Variants in ELP4 observed in about 807,000 individuals in gnomAD.
The protein encoded by ELP4 is elongator acetyltransferase complex subunit 4.
A neutral mutation model predicts 48.9 loss-of-function variants in ELP4; 51 were observed. That is an observed-to-expected ratio of 1.04 (90% CI 0.83 to 1.32). The LOEUF (loss-of-function observed/expected upper bound fraction) is 1.32, where lower values mean the gene tolerates loss of function less well. Ranked by LOEUF, ELP4 falls within the 40% of genes most tolerant of loss-of-function variation. The pLI is 0.00. For synonymous variants in ELP4, 210 were observed against 189.2 expected (o/e 1.11, Z -0.90); for missense variants, 519 against 514.6 (o/e 1.01, Z -0.08).
At chr11:31,550,943 C>T (rs1311693248) in intron 3 of ELP4, among the ~76,000 whole-genome samples, 1 of 152,142 alleles carries the variant, frequency 6.6e-6, no homozygotes, top group Admixed American at 6.5e-5. Context: ...ACTTGCTAGC[C>T]ATTGCTTTGA....
intron 3 of ELP4, among the ~76,000 whole-genome samples, chr11:31,564,831 A>G (rs189612887): frequency 1.3e-5 from 2 of 152,340 alleles, no homozygotes; most frequent in East Asian, 3.9e-4. Flanking sequence ...TAGTGCCACA[A>G]TAAACATGTG....
At chr11:31,709,162 G>T (rs1176607943) in intron 9 of ELP4, among the ~76,000 whole-genome samples, 1 of 152,084 alleles carries the variant, frequency 6.6e-6, no homozygotes, top group African/African-American at 2.4e-5. Flanking sequence ...TTCAAAATGG[G>T]CAATTGCTGG....
chr11:31,763,661 A>G, intron 9 of ELP4: 1 of 1,087,204 alleles, frequency 9.2e-7, no homozygotes, highest in Non-Finnish European at 1.2e-6. Flanking sequence ...ACTGCTATTT[A>G]ATCACCTTTT....
At chr11:31,636,331 G>T (rs1243670339) in intron 7 of ELP4, among the ~76,000 whole-genome samples, 1 of 151,900 alleles carries the variant, frequency 6.6e-6, no homozygotes, top group Non-Finnish European at 1.5e-5. Context: ...ACATATAGTT[G>T]GGTATGTATA....
intron 9 of ELP4, chr11:31,650,842 T>C (rs914698779): frequency 1.3e-5 from 2 of 151,772 alleles, no homozygotes; most frequent in East Asian, 1.9e-4. Flanking sequence ...AGAATTGATG[T>C]ATTTATTAAT....
intron 3 of ELP4, among the ~76,000 whole-genome samples, chr11:31,578,645 G>A (rs991726317): frequency 1.7e-4 from 26 of 151,668 alleles, no homozygotes; most frequent in African/African-American, 4.1e-4. Context: ...CACATCTACA[G>A]CCATCTGATC....
intron 3 of ELP4, among the ~76,000 whole-genome samples, chr11:31,543,958 T>C (rs909090837): frequency 3.3e-5 from 5 of 152,154 alleles, no homozygotes; most frequent in African/African-American, 7.2e-5. Context: ...TTGTAAGAAA[T>C]ACTAAAGTTT....
Position 31,647,798 on chromosome 11 carries a change from T to C in ELP4, c.985T>C (p.Ser329Pro). Residue 329 changes from serine to proline, a missense_variant, in exon 8 of 10, where the codon TCA becomes CCA. Transcript: ENST00000640961. ...TLSDVVVGLE[S>P]FIGSERETNP... ...GTCAGATGTAGTAGTTGGTCTGGAATCATTTATTGGTTCTGAGAGAGAAAC... is the reference window on the plus strand; with the variant it reads ...GTCAGATGTAGTAGTTGGTCTGGAACCATTTATTGGTTCTGAGAGAGAAAC... 1 of 1,609,840 alleles carries C rather than the reference T, an allele frequency of 6.2e-7. No individual in the cohort carries two copies. Among genetic ancestry groups the C allele is most frequent in the South Asian group, 1.1e-5 (1 of 90,976 alleles).
At chr11:31,647,682 T>C (rs1435194616) in intron 7 of ELP4, 59 bp from the exon 8 acceptor site, 4 of 1,020,202 alleles carry the variant, frequency 3.9e-6, no homozygotes, top group South Asian at 1.3e-5. Flanking sequence ...GGATATTTTA[T>C]AGATATTATA....
intron 7 of ELP4, among the ~76,000 whole-genome samples, chr11:31,642,094 A>G (rs569870624): frequency 1.3e-5 from 2 of 152,114 alleles, no homozygotes; most frequent in South Asian, 4.1e-4. Context: ...AAAAATGCCT[A>G]CAATTAATTT....
At chr11:31,661,772 A>C (rs1945561149) in intron 9 of ELP4, among the ~76,000 whole-genome samples, 1 of 152,068 alleles carries the variant, frequency 6.6e-6, no homozygotes, top group Non-Finnish European at 1.5e-5. Context: ...CGTAAGTAAA[A>C]CAACCTTCAA....
Position 31,714,602 on chromosome 11 carries a change from A to G in ELP4, c.1143+64381A>G, listed in dbSNP as rs538170766. The G allele has an allele frequency of 1.9e-4, 74 of 398,498 alleles. No homozygotes were observed. In the South Asian group the frequency reaches 3.3e-3, roughly 18 times the overall value. 24.7% of individuals were successfully genotyped at this position (398,498 alleles called of 1,614,324 possible). On this transcript the variant is annotated intron_variant, in intron 9 of 9. Coordinates refer to ENST00000640961, the MANE Select transcript of ELP4 (RefSeq NM_019040.5). Reference sequence around the variant, plus strand: ...CTATAATTTTAGTGGGTTGAACAATACAAATTTATTTTCCTACGGTTCTGG... The same window carrying G: ...CTATAATTTTAGTGGGTTGAACAATGCAAATTTATTTTCCTACGGTTCTGG...
chr11:31,516,733 C>G (rs1956119306), intron 1 of ELP4, among the ~76,000 whole-genome samples: 1 of 152,168 alleles, frequency 6.6e-6, no homozygotes, highest in Non-Finnish European at 1.5e-5. Flanking sequence ...CTGAAGTGAT[C>G]TGCTCACCTT....
intron 4 of ELP4, among the ~76,000 whole-genome samples, chr11:31,602,594 G>A (rs188600201): frequency 6.6e-6 from 1 of 151,892 alleles, no homozygotes; most frequent in Admixed American, 6.6e-5. Flanking sequence ...ATTTCTATTA[G>A]ACTTAAAAAT....
chr11:31,672,086 T>C (rs1945821446), intron 9 of ELP4, among the ~76,000 whole-genome samples: 1 of 152,108 alleles, frequency 6.6e-6, no homozygotes, highest in East Asian at 1.9e-4. Flanking sequence ...GATGACTAAA[T>C]AGTCTGCTCT....
At chr11:31,637,794 G>A (rs1945013478) in intron 7 of ELP4, among the ~76,000 whole-genome samples, 1 of 151,886 alleles carries the variant, frequency 6.6e-6, no homozygotes, top group African/African-American at 2.4e-5. Flanking sequence ...TTGAAAATAG[G>A]TAATTTTATT....
At chr11:31,586,729 C>T (rs930296235) in intron 3 of ELP4, among the ~76,000 whole-genome samples, 3 of 151,904 alleles carry the variant, frequency 2.0e-5, no homozygotes, top group East Asian at 3.9e-4. Context: ...GCAAGCTCCG[C>T]CTCCTGGGTT....
chr11:31,676,540 A>G (rs1054057629), intron 9 of ELP4, among the ~76,000 whole-genome samples: 4 of 152,226 alleles, frequency 2.6e-5, no homozygotes, highest in Non-Finnish European at 4.4e-5. Flanking sequence ...CAAAAAAACA[A>G]GTTTGTATGT....
At chr11:31,666,134 G>A (rs1256171411) in intron 9 of ELP4, among the ~76,000 whole-genome samples, 2 of 143,510 alleles carry the variant, frequency 1.4e-5, no homozygotes, top group East Asian at 2.2e-4. Context: ...TCAGCCTCCC[G>A]AGTAGCTGGG....
Sources: allele counts gnomAD v4.1 joint callset (sites outside exome capture counted in the v4.1 genomes callset), GRCh38; gene constraint gnomAD v4.1.1; transcripts MANE v1.5; gene names NCBI Gene and HGNC (gene_info 2026-07-23, HGNC 2026-07-21).